CDH18: variants seen among roughly 807,000 people sequenced by gnomAD.
The protein encoded by CDH18 is cadherin-18.
In CDH18, 31 loss-of-function variants were observed where a neutral mutation model predicts 67.9. That is an observed-to-expected ratio of 0.46 (90% CI 0.34 to 0.62). The LOEUF is 0.62. Ranked by LOEUF, CDH18 falls within the 20% of genes least tolerant of loss-of-function variation. CDH18 has a pLI of 0.01. For missense variants in CDH18, 890 were observed against 975.5 expected (o/e 0.91, Z 1.17); for synonymous variants, 362 against 347.2 (o/e 1.04, Z -0.48).
At chr5:19,582,042 T>G (rs969402646) in intron 7 of CDH18, among the ~76,000 whole-genome samples, 2 of 152,074 alleles carry the variant, frequency 1.3e-5, no homozygotes, top group African/African-American at 4.8e-5. Context: ...AAATATTACA[T>G]GTTTGCTTTC....
At chr5:19,760,913 C>A (rs1396703106) in intron 3 of CDH18, among the ~76,000 whole-genome samples, 1 of 152,150 alleles carries the variant, frequency 6.6e-6, no homozygotes, top group Non-Finnish European at 1.5e-5. Flanking sequence ...AGGCTGACAG[C>A]AGCATGGGTT....
chr5:19,665,683 G>T (rs1250728557), intron 5 of CDH18, among the ~76,000 whole-genome samples: 5 of 152,016 alleles, frequency 3.3e-5, no homozygotes, highest in Admixed American at 2.6e-4. Context: ...ATAAAAAAGG[G>T]CATTCTTCTG....
intron 1 of CDH18, among the ~76,000 whole-genome samples, chr5:20,312,449 T>C (rs1217674705): frequency 1.3e-5 from 2 of 152,188 alleles, no homozygotes; most frequent in Non-Finnish European, 2.9e-5. Context: ...GGACTATGTC[T>C]GTTCATTTTT....
intron 3 of CDH18, among the ~76,000 whole-genome samples, chr5:19,770,700 G>A (rs1773636825): frequency 6.6e-6 from 1 of 152,072 alleles, no homozygotes; most frequent in Non-Finnish European, 1.5e-5. Flanking sequence ...TTATTCCTAG[G>A]CCTTGAGCCC....
At chr5:20,490,534 A>T (rs1288916115) in intron 1 of CDH18, among the ~76,000 whole-genome samples, 1 of 152,148 alleles carries the variant, frequency 6.6e-6, no homozygotes, top group African/African-American at 2.4e-5. Flanking sequence ...AGGAAATGTA[A>T]ATATGATAAT....
intron 1 of CDH18, among the ~76,000 whole-genome samples, chr5:20,366,176 GA>G (rs1742503142): frequency 6.6e-6 from 1 of 152,076 alleles, no homozygotes; most frequent in Non-Finnish European, 1.5e-5. Flanking sequence ...TGTCCAAAAT[GA>G]AATTGATGAT....
intron 2 of CDH18, among the ~76,000 whole-genome samples, chr5:20,241,546 T>C (rs779097761): frequency 2.6e-5 from 4 of 152,028 alleles, no homozygotes; most frequent in Non-Finnish European, 4.4e-5. Flanking sequence ...GAGATGAATA[T>C]ATATGTATTA....
At chr5:20,335,164 C>T (rs1739607947) in intron 1 of CDH18, among the ~76,000 whole-genome samples, 1 of 152,028 alleles carries the variant, frequency 6.6e-6, no homozygotes, top group South Asian at 2.1e-4. Flanking sequence ...CTCATTATGC[C>T]TCCTGCTTGA....
intron 2 of CDH18, among the ~76,000 whole-genome samples, chr5:20,068,386 TA>T: frequency 6.6e-6 from 1 of 152,024 alleles, no homozygotes; most frequent in Non-Finnish European, 1.5e-5. Flanking sequence ...GCTAAAAATA[TA>T]AAAACATCCT....
At chr5:20,463,691 A>T (rs1275688661) in intron 1 of CDH18, among the ~76,000 whole-genome samples, 1 of 152,146 alleles carries the variant, frequency 6.6e-6, no homozygotes, top group Non-Finnish European at 1.5e-5. Flanking sequence ...ACAATTCAAT[A>T]TGAGATTTAG....
intron 1 of CDH18, among the ~76,000 whole-genome samples, chr5:20,309,474 G>GA (rs199740945): frequency 9.4e-4 from 143 of 151,514 alleles, no homozygotes; most frequent in Middle Eastern, 3.4e-3. Context: ...ATAATTTTAA[G>GA]AAAAAAAACA....
At chr5:20,471,430 C>A (rs1053221588) in intron 1 of CDH18, among the ~76,000 whole-genome samples, 20 of 152,086 alleles carry the variant, frequency 1.3e-4, no homozygotes, top group African/African-American at 2.2e-4. Context: ...ATATACAAAT[C>A]AGATTAGGTT....
chr5:20,488,906 A>G (rs905096258), intron 1 of CDH18, among the ~76,000 whole-genome samples: 1 of 151,980 alleles, frequency 6.6e-6, no homozygotes, highest in African/African-American at 2.4e-5. Context: ...TAATTTTCAT[A>G]TATTAATTGT....
intron 3 of CDH18, among the ~76,000 whole-genome samples, chr5:19,809,331 A>C (rs1778388785): frequency 6.6e-6 from 1 of 152,138 alleles, no homozygotes; most frequent in Non-Finnish European, 1.5e-5. Flanking sequence ...TTTGATTTTT[A>C]CACCTCCTGA....
At chr5:20,116,987 A>G (rs752435036) in intron 2 of CDH18, among the ~76,000 whole-genome samples, 1 of 151,784 alleles carries the variant, frequency 6.6e-6, no homozygotes, top group Non-Finnish European at 1.5e-5. Flanking sequence ...TACTAGAACT[A>G]TCTTTCCACT....
intron 2 of CDH18, among the ~76,000 whole-genome samples, chr5:20,076,988 G>A (rs1744000131): frequency 6.6e-6 from 1 of 152,098 alleles, no homozygotes; most frequent in African/African-American, 2.4e-5. Flanking sequence ...AGCAAGATCT[G>A]CCAAATACAA....
chr5:20,451,845 C>G (rs1750473581), intron 1 of CDH18, among the ~76,000 whole-genome samples: 1 of 151,966 alleles, frequency 6.6e-6, no homozygotes, highest in African/African-American at 2.4e-5. Context: ...TTAACAGCAC[C>G]ACAAATTGTT....
chr5:20,425,106 G>A (rs972577771), intron 1 of CDH18, among the ~76,000 whole-genome samples: 5 of 150,868 alleles, frequency 3.3e-5, no homozygotes, highest in South Asian at 2.1e-4. Context: ...GGTGACTCAC[G>A]CCTATAATCC....
intron 5 of CDH18, among the ~76,000 whole-genome samples, chr5:19,660,203 C>T (rs1217979712): frequency 6.6e-6 from 1 of 151,986 alleles, no homozygotes; most frequent in Non-Finnish European, 1.5e-5. Flanking sequence ...TCATTTTTTG[C>T]AGTGAAACAC....
Sources: allele counts gnomAD v4.1 joint callset (sites outside exome capture counted in the v4.1 genomes callset), GRCh38; gene constraint gnomAD v4.1.1; transcripts MANE v1.5; gene names NCBI Gene and HGNC (gene_info 2026-07-23, HGNC 2026-07-21).